The following EPHA6 variants were observed in gnomAD, a reference collection of about 807,000 sequenced individuals.
EPHA6 encodes EPH receptor A6, also known as ephrin type-A receptor 6.
EPHA6 carries 50 observed loss-of-function variants against 112.0 expected under a neutral mutation model. The observed-to-expected ratio is 0.45, with a 90% CI of 0.36 to 0.56. EPHA6 has a LOEUF of 0.56. Among genes scored for constraint, EPHA6 ranks in the 20% least tolerant of loss-of-function variants. The probability of loss-of-function intolerance (pLI) is 0.00; values close to 1 mark genes in which losing one functional copy is unlikely to be tolerated. For synonymous variants in EPHA6, 529 were observed against 490.7 expected, an observed-to-expected ratio of 1.08 and a Z score of -1.03; for missense variants, 1,280 against 1,417.4, an observed-to-expected ratio of 0.90 and a Z score of 1.56.
chr3:96,848,627 T>TAA (rs200514665), intron 1 of EPHA6, among the ~76,000 whole-genome samples: 1 of 151,784 alleles, frequency 6.6e-6, no homozygotes. Flanking sequence ...TCCGTCTATT[T>TAA]AAAAAAAATT....
At chr3:97,687,032 G>A (rs2032302788) in intron 14 of EPHA6, among the ~76,000 whole-genome samples, 1 of 152,172 alleles carries the variant, frequency 6.6e-6, no homozygotes, top group African/African-American at 2.4e-5. Flanking sequence ...TGATTTGTGT[G>A]TCAGGCTTTT....
intron 14 of EPHA6, among the ~76,000 whole-genome samples, chr3:97,645,272 C>T (rs1178676528): frequency 6.9e-6 from 1 of 145,544 alleles, no homozygotes; most frequent in Non-Finnish European, 1.5e-5. Flanking sequence ...ACCCAAATGT[C>T]CAACAATGAT....
chr3:97,512,657 G>A (rs756923206), intron 10 of EPHA6, among the ~76,000 whole-genome samples: 4 of 152,118 alleles, frequency 2.6e-5, no homozygotes, highest in East Asian at 1.9e-4. Context: ...CTGTGCCTCC[G>A]GGTTCAAGCG....
At chr3:97,369,458 G>A (rs2108972752) in intron 5 of EPHA6, among the ~76,000 whole-genome samples, 1 of 152,210 alleles carries the variant, frequency 6.6e-6, no homozygotes, top group East Asian at 1.9e-4. Flanking sequence ...TGAATATGTA[G>A]GGTTAAATAA....
At chr3:97,110,295 T>C (rs910740853) in intron 3 of EPHA6, among the ~76,000 whole-genome samples, 1 of 152,104 alleles carries the variant, frequency 6.6e-6, no homozygotes, top group African/African-American at 2.4e-5. Flanking sequence ...TAACTCTCTT[T>C]TAGGAGAAAT....
chr3:97,552,615 G>A (rs1339143539), intron 11 of EPHA6, among the ~76,000 whole-genome samples: 1 of 152,136 alleles, frequency 6.6e-6, no homozygotes, highest in East Asian at 1.9e-4. Flanking sequence ...GAAAAGTCAT[G>A]CTGCAGTTTA....
At chr3:97,545,936 C>T (rs939622791) in intron 11 of EPHA6, among the ~76,000 whole-genome samples, 3 of 152,124 alleles carry the variant, frequency 2.0e-5, no homozygotes, top group Non-Finnish European at 4.4e-5. Context: ...TCCTCCATCC[C>T]TTTATTTTGA....
At chr3:97,504,632 A>C (rs899006789) in intron 10 of EPHA6, among the ~76,000 whole-genome samples, 1 of 152,118 alleles carries the variant, frequency 6.6e-6, no homozygotes, top group Non-Finnish European at 1.5e-5. Context: ...CTGTGCTTTC[A>C]GGCTGTTCTT....
intron 5 of EPHA6, among the ~76,000 whole-genome samples, chr3:97,359,625 T>A (rs2084264580): frequency 6.6e-6 from 1 of 152,092 alleles, no homozygotes; most frequent in South Asian, 2.1e-4. Context: ...CTCCTTTGTG[T>A]GGGTCATATT....
chr3:97,623,299 T>C (rs558091187), intron 13 of EPHA6, among the ~76,000 whole-genome samples: 1 of 151,884 alleles, frequency 6.6e-6, no homozygotes, highest in Non-Finnish European at 1.5e-5. Flanking sequence ...AGGTAAAGAT[T>C]GAACTTCATC....
chr3:97,470,242 T>C (rs2091188029), intron 7 of EPHA6, among the ~76,000 whole-genome samples: 1 of 151,744 alleles, frequency 6.6e-6, no homozygotes, highest in African/African-American at 2.4e-5. Context: ...GTCCATAAAC[T>C]TTAAAACTAA....
Position 97,638,060 on chromosome 3 carries a change from C to T in EPHA6, c.2762C>T (p.Pro921Leu), listed in dbSNP as rs1235923578. Residue 921 changes from proline (P) to leucine (L), a missense_variant, in exon 14 of 18, where the codon CCA becomes CTA. Physicochemically the swap from Pro to Leu is moderately conservative, Grantham distance 98 (BLOSUM62 -3). Transcript: ENST00000389672. ...FGLSRVLEDD[P>L]EAAYTTTGGK... ...CTCTCCAGAGTGCTGGAAGATGATC[C>T]AGAAGCTGCTTATACAACAACTGTA... 2 of 1,613,484 alleles carry T rather than the reference C, an allele frequency of 1.2e-6. No homozygotes were observed. The highest frequency in any genetic ancestry group is 3.3e-5 in the Admixed American group (2 of 59,964).
chr3:96,875,932 A>G (rs1418762547), intron 2 of EPHA6, among the ~76,000 whole-genome samples: 1 of 151,440 alleles, frequency 6.6e-6, no homozygotes. Context: ...TATTTCTTTT[A>G]AAATAAATTC....
intron 3 of EPHA6, among the ~76,000 whole-genome samples, chr3:97,010,910 G>A (rs754590238): frequency 6.6e-6 from 1 of 152,108 alleles, no homozygotes; most frequent in African/African-American, 2.4e-5. Context: ...AAAGAATTTG[G>A]TTTTTATTAA....
At chr3:97,515,580 G>A (rs750611066) in intron 10 of EPHA6, among the ~76,000 whole-genome samples, 3 of 152,292 alleles carry the variant, frequency 2.0e-5, no homozygotes, top group Non-Finnish European at 4.4e-5. Context: ...CTCTTTCAAT[G>A]TACCTCAAGG....
intron 5 of EPHA6, among the ~76,000 whole-genome samples, chr3:97,394,820 G>C (rs1253655942): frequency 6.6e-6 from 1 of 151,710 alleles, no homozygotes; most frequent in African/African-American, 2.4e-5. Flanking sequence ...CTTATGCACT[G>C]TTGTTGGGAA....
chr3:97,452,989 A>G (rs1351161152), intron 7 of EPHA6, among the ~76,000 whole-genome samples: 3 of 151,776 alleles, frequency 2.0e-5, no homozygotes, highest in Admixed American at 2.0e-4. Flanking sequence ...CATTTTAACA[A>G]TAATCCTGTT....
At chr3:97,406,862 A>G (rs2087381141) in intron 6 of EPHA6, among the ~76,000 whole-genome samples, 1 of 152,172 alleles carries the variant, frequency 6.6e-6, no homozygotes. Context: ...CAAATGTTAC[A>G]GCCTATAGCA....
chr3:97,220,905 G>A lies in EPHA6; in HGVS notation c.1115-5359G>A, dbSNP rs571129630. Among the ~76,000 whole-genome samples, 22 of 152,298 alleles carry A rather than the reference G, an allele frequency of 1.4e-4. No homozygotes were observed. The South Asian group carries it at 2.7e-3, about 19-fold the overall frequency. ...CTTGCAGAAACTGTGGAGTGGATAT[G>A]AGCAGGGAGAAAGCAGAGAAAGGCA... is the stretch of plus-strand genomic sequence containing the variant. On this transcript the variant is annotated intron_variant, in intron 3 of 17. Coordinates refer to ENST00000389672, the MANE Select transcript of EPHA6 (RefSeq NM_001080448.3).
Sources: gnomAD v4.1 joint callset for allele counts (sites outside exome capture counted in the v4.1 genomes callset) on GRCh38, gnomAD v4.1.1 for gene constraint, MANE v1.5 for transcripts, NCBI Gene and HGNC (gene_info 2026-07-23, HGNC 2026-07-21) for gene names.